CELF2: variants seen among roughly 807,000 people sequenced by gnomAD.
CELF2 encodes CUGBP Elav-like family member 2.
In CELF2, 8 loss-of-function variants were observed where a neutral mutation model predicts 62.6. That is an observed-to-expected ratio of 0.13 (90% CI 0.07 to 0.23). The LOEUF is 0.23. CELF2 is among the 10% of genes least tolerant of loss of function. CELF2 has a pLI of 1.00. For synonymous variants in CELF2, 258 were observed against 250.0 expected (o/e 1.03, Z -0.30); for missense variants, 333 against 671.0 (o/e 0.50, Z 5.56).
intron 1 of CELF2, among the ~76,000 whole-genome samples, chr10:10,884,314 A>G (rs1027461885): frequency 3.9e-5 from 6 of 152,188 alleles, no homozygotes; most frequent in African/African-American, 1.4e-4. Context: ...GGGAAAGTAG[A>G]ACCTGTGCAT....
At chr10:10,474,814 G>T in the CELF2 span, among the ~76,000 whole-genome samples, 1 of 152,068 alleles carries the variant, frequency 6.6e-6, no homozygotes, top group Non-Finnish European at 1.5e-5. Context: ...TCTACATGTG[G>T]CAGCAAGGGG....
the CELF2 span, among the ~76,000 whole-genome samples, chr10:10,633,065 T>A: frequency 6.6e-6 from 1 of 152,196 alleles, no homozygotes; most frequent in Non-Finnish European, 1.5e-5. Flanking sequence ...TGATGGGCAT[T>A]GAAGTTATTT....
the CELF2 span, among the ~76,000 whole-genome samples, chr10:10,646,598 A>G: frequency 6.6e-6 from 1 of 152,222 alleles, no homozygotes; most frequent in Non-Finnish European, 1.5e-5. Flanking sequence ...ACATGTTTTG[A>G]AAATGACTGC....
At chr10:11,171,837 A>G (rs930043271) in intron 2 of CELF2, among the ~76,000 whole-genome samples, 17 of 138,646 alleles carry the variant, frequency 1.2e-4, no homozygotes, top group Non-Finnish European at 2.2e-4. Flanking sequence ...CTTACAAACC[A>G]TTTGTTTCTT....
intron 1 of CELF2, among the ~76,000 whole-genome samples, chr10:11,053,991 A>G (rs1308543537): frequency 6.6e-6 from 1 of 152,146 alleles, no homozygotes; most frequent in Non-Finnish European, 1.5e-5. Context: ...ATAAAACTAT[A>G]TTTGCTAATT....
intron 1 of CELF2, among the ~76,000 whole-genome samples, chr10:11,027,590 G>A (rs1158549546): frequency 6.6e-6 from 1 of 152,118 alleles, no homozygotes; most frequent in African/African-American, 2.4e-5. Flanking sequence ...CATTGGCTAT[G>A]CGTGGTTTTT....
At chr10:11,175,452 G>A (rs796405830) in intron 2 of CELF2, among the ~76,000 whole-genome samples, 2 of 152,330 alleles carry the variant, frequency 1.3e-5, no homozygotes, top group African/African-American at 4.8e-5. Flanking sequence ...ATATAGATAA[G>A]TTCTTTCAAT....
At chr10:10,525,055 T>C in the CELF2 span, among the ~76,000 whole-genome samples, 6 of 152,298 alleles carry the variant, frequency 3.9e-5, no homozygotes, top group East Asian at 1.2e-3. Context: ...CAGTGCAATG[T>C]TTGGATATTT....
chr10:10,547,215 C>T, the CELF2 span, among the ~76,000 whole-genome samples: 1 of 152,126 alleles, frequency 6.6e-6, no homozygotes, highest in Non-Finnish European at 1.5e-5. Context: ...CAAATACTTG[C>T]CTATCGAGAA....
At position 11,080,358 on chromosome 10, in the gene CELF2, C is replaced by T. The variant is rs147521403; in HGVS notation, c.74+62195C>T. On this transcript the variant is annotated intron_variant, in intron 1 of 12. Transcript: ENST00000633077. The stretch of plus-strand genomic sequence containing the variant: ...ATAAGCACCTAGTTCCTGGACCATC[C>T]TAGGTGCTTAGTAAACATTCATGGA... Among the ~76,000 whole-genome samples, 4 of 152,234 alleles carry T rather than the reference C, an allele frequency of 2.6e-5. No homozygotes were observed. The East Asian group carries it at 7.7e-4, about 29-fold the overall frequency.
At chr10:10,580,897 A>T in the CELF2 span, among the ~76,000 whole-genome samples, 2 of 152,208 alleles carry the variant, frequency 1.3e-5, no homozygotes, top group African/African-American at 4.8e-5. Flanking sequence ...AGCTAATAGA[A>T]TTACCTGAAA....
intron 9 of CELF2, among the ~76,000 whole-genome samples, chr10:11,303,052 CAG>C (rs2093914454): frequency 6.6e-6 from 1 of 152,228 alleles, no homozygotes; most frequent in Non-Finnish European, 1.5e-5. Context: ...ACCCCACAAA[CAG>C]GGACTCGAGT....
At chr10:10,872,323 C>T (rs1361085922) in intron 1 of CELF2, among the ~76,000 whole-genome samples, 1 of 152,094 alleles carries the variant, frequency 6.6e-6, no homozygotes, top group African/African-American at 2.4e-5. Context: ...AGGAAATGAT[C>T]TCAACAAATT....
intron 1 of CELF2, among the ~76,000 whole-genome samples, chr10:10,912,757 G>T (rs1442768595): frequency 2.0e-5 from 3 of 152,174 alleles, no homozygotes; most frequent in Non-Finnish European, 4.4e-5. Flanking sequence ...CATATCTGTG[G>T]CTTACGCATA....
At chr10:10,907,650 T>G (rs1490866199) in intron 1 of CELF2, among the ~76,000 whole-genome samples, 2 of 151,816 alleles carry the variant, frequency 1.3e-5, no homozygotes, top group African/African-American at 4.9e-5. Flanking sequence ...TTATTTTATT[T>G]TATTTTATTT....
At chr10:11,262,534 A>G (rs1259145450) in intron 5 of CELF2, among the ~76,000 whole-genome samples, 2 of 152,126 alleles carry the variant, frequency 1.3e-5, no homozygotes, top group Non-Finnish European at 2.9e-5. Context: ...CAGACTTCCA[A>G]TCTTATCTCA....
chr10:10,976,593 C>A (rs1315195984), intron 2 of CELF2, among the ~76,000 whole-genome samples: 1 of 152,016 alleles, frequency 6.6e-6, no homozygotes, highest in East Asian at 1.9e-4. Context: ...TTTCTGGGTT[C>A]AAGATCTGGT....
intron 1 of CELF2, among the ~76,000 whole-genome samples, chr10:10,811,062 T>C (rs1390500517): frequency 6.6e-6 from 1 of 152,128 alleles, no homozygotes; most frequent in East Asian, 1.9e-4. Context: ...CCTACAGACA[T>C]GTGTTCGGAG....
chr10:10,650,378 A>G, the CELF2 span, among the ~76,000 whole-genome samples: 2 of 152,196 alleles, frequency 1.3e-5, no homozygotes, highest in African/African-American at 4.8e-5. Context: ...ATATCTTCCC[A>G]TTTGACTTAA....
Sources: allele counts gnomAD v4.1 joint callset (sites outside exome capture counted in the v4.1 genomes callset), GRCh38; gene constraint gnomAD v4.1.1; transcripts MANE v1.5; gene names NCBI Gene and HGNC (gene_info 2026-07-23, HGNC 2026-07-21).